The following PRXL2C variants were observed in gnomAD, a reference collection of about 807,000 sequenced individuals.
PRXL2C encodes peroxiredoxin like 2C.
In PRXL2C, 38 loss-of-function variants were observed where a neutral mutation model predicts 24.9. The observed-to-expected ratio is 1.53, with a 90% CI of 1.18 to 2.00. The LOEUF (loss-of-function observed/expected upper bound fraction) is 2.00. Among genes scored for constraint, PRXL2C ranks in the 30% most tolerant of loss-of-function variants. The probability of loss-of-function intolerance (pLI) is 0.00; values close to 1 mark genes in which losing one functional copy is unlikely to be tolerated. For missense variants in PRXL2C, 294 were observed against 290.9 expected, an observed-to-expected ratio of 1.01 and a Z score of -0.08; for synonymous variants, 98 against 117.2, an observed-to-expected ratio of 0.84 and a Z score of 1.06.
intron 2 of PRXL2C, among the ~76,000 whole-genome samples, chr9:96,653,932 C>G (rs948576645): frequency 3.3e-5 from 5 of 152,070 alleles, no homozygotes; most frequent in Admixed American, 6.6e-5. Context: ...CCTCCGCCTC[C>G]CGGGTTCACG....
chr9:96,646,554 G>A lies in PRXL2C; in HGVS notation c.422-530C>T, dbSNP rs148888908. Among the ~76,000 whole-genome samples, 400 of 152,302 alleles carry A rather than the reference G, an allele frequency of 2.6e-3. 4 individuals are homozygous for A. Among genetic ancestry groups the A allele is most frequent in the African/African-American group, 8.5e-3 (353 of 41,562 alleles). On this transcript the variant is annotated intron_variant, in intron 4 of 5. Coordinates refer to ENST00000375234, the MANE Select transcript of PRXL2C (RefSeq NM_153698.2). ...GTTTCCTCTTTCTGGGCCCACAGCT[G>A]AAGTATATTTTCCAGTCTTAGTTGC... is the stretch of plus-strand genomic sequence containing the variant.
Sources: gnomAD v4.1 joint callset for allele counts (sites outside exome capture counted in the v4.1 genomes callset) on GRCh38, gnomAD v4.1.1 for gene constraint, MANE v1.5 for transcripts, NCBI Gene and HGNC (gene_info 2026-07-23, HGNC 2026-07-21) for gene names.